Variants in KIZ observed in about 807,000 individuals in gnomAD.
The protein encoded by KIZ is kizuna centrosomal protein, also known as centrosomal protein kizuna.
Under a neutral mutation model 79.6 loss-of-function variants are expected in KIZ, and 68 were observed. The ratio of observed to expected loss-of-function variants is 0.85; its 90% CI spans 0.70 to 1.05. The LOEUF is 1.05. Ranked by LOEUF, KIZ falls within the 50% of genes least tolerant of loss-of-function variation. The pLI is 0.00. For synonymous variants in KIZ, 280 were observed against 281.8 expected (o/e 0.99, Z 0.06); for missense variants, 797 against 800.4 (o/e 1.00, Z 0.05).
chr20:21,238,092 A>G (rs2037083832), intron 11 of KIZ, among the ~76,000 whole-genome samples: 1 of 152,022 alleles, frequency 6.6e-6, no homozygotes. Context: ...CGGCCTCCCA[A>G]AGTGCTGGGA....
chr20:21,198,434 A>C (rs1031062020), intron 6 of KIZ: 1 of 152,360 alleles, frequency 6.6e-6, no homozygotes. Flanking sequence ...AGTGGTCAGT[A>C]GATGCATGTC....
intron 4 of KIZ, 51 bp from the exon 5 acceptor site, chr20:21,161,820 C>T: frequency 1.5e-6 from 2 of 1,340,864 alleles, no homozygotes; most frequent in East Asian, 2.3e-5. Context: ...AAAACCCCAC[C>T]TAATTGTTTA....
intron 6 of KIZ, among the ~76,000 whole-genome samples, chr20:21,204,962 A>T (rs2035755147): frequency 6.6e-6 from 1 of 152,122 alleles, no homozygotes; most frequent in Non-Finnish European, 1.5e-5. Context: ...GTGCTTTAGA[A>T]TCACTCTGTG....
At position 21,198,832 on chromosome 20, in the gene KIZ, A is replaced by G. The variant is rs750120762; in HGVS notation, c.1353-6659A>G. 3 of 152,626 alleles carry G rather than the reference A, an allele frequency of 2.0e-5. No individual in the cohort carries two copies. In the East Asian group the frequency reaches 5.8e-4, roughly 29 times the overall value. The allele number at this position is 152,626 out of a possible 1,614,324, so 9.5% of individuals were successfully genotyped here. On this transcript the variant is annotated intron_variant, in intron 6 of 12. Coordinates refer to ENST00000619189, the MANE Select transcript of KIZ (RefSeq NM_018474.6). ...AAGGCAGTAAAGGGCAATGCCAGAA[A>G]ACCCTCTTTCAGTTTTTATCCTGCA...
Position 21,126,091 on chromosome 20 carries a change from G to A in KIZ, c.-25G>A. On this transcript the variant is annotated 5_prime_UTR_variant, in exon 1 of 13. Transcript: ENST00000619189. ...GGCCGAACGGCCACCCAGAGGCTGT[G>A]CTGAGCTGGCGCAGCGGCAGCAGCA... 1.3e-6 allele frequency: 2 copies of A among 1,504,334 alleles called. No individual in the cohort carries two copies. 93.2% of individuals were successfully genotyped at this position (1,504,334 alleles called of 1,614,324 possible). A position where few individuals can be genotyped will look rare whatever the true frequency, so the allele number is the denominator to read the frequency against.
At chr20:21,205,734 A>G (rs2035799696) in intron 7 of KIZ, 150 bp downstream of exon 7, 2 of 508,892 alleles carry the variant, frequency 3.9e-6, no homozygotes, top group Middle Eastern at 4.6e-4. Flanking sequence ...ATGCTGAGGC[A>G]GGTGGATCAC....
chr20:21,164,772 T>C (rs546639453), intron 6 of KIZ, among the ~76,000 whole-genome samples: 3 of 152,210 alleles, frequency 2.0e-5, no homozygotes, highest in Admixed American at 1.3e-4. Flanking sequence ...TTTTGGCATA[T>C]AGTTTTCCAG....
At chr20:21,146,451 G>A (rs1316331231) in intron 4 of KIZ, among the ~76,000 whole-genome samples, 1 of 152,192 alleles carries the variant, frequency 6.6e-6, no homozygotes, top group Non-Finnish European at 1.5e-5. Flanking sequence ...AGATGATAAC[G>A]GGATATGATT....
At chr20:21,244,153 C>A in intron 11 of KIZ, 92 bp from the exon 12 acceptor site, 1 of 884,376 alleles carries the variant, frequency 1.1e-6, no homozygotes, top group Non-Finnish European at 1.9e-6. Context: ...TCCAGTGAAT[C>A]AAAGTGCTTC....
chr20:21,226,814 C>T (rs1032100791), intron 9 of KIZ, among the ~76,000 whole-genome samples: 1 of 152,200 alleles, frequency 6.6e-6, no homozygotes, highest in African/African-American at 2.4e-5. Context: ...GCAGCTGCAT[C>T]CCAAATAAAA....
chr20:21,170,799 A>G (rs1196560239), intron 6 of KIZ, among the ~76,000 whole-genome samples: 1 of 152,052 alleles, frequency 6.6e-6, no homozygotes, highest in Non-Finnish European at 1.5e-5. Context: ...TCTGGTAACT[A>G]TCTTTCTACT....
rs182806825 is a variant in KIZ at position 21,154,666 on chromosome 20, C to T, written c.406-7205C>T. Reference sequence around the variant, plus strand: ...TACATGCTGCTGCTTTTGGCAATAACATCTGTCTCTCAAAAACTTTTGAAT... The same window carrying T: ...TACATGCTGCTGCTTTTGGCAATAATATCTGTCTCTCAAAAACTTTTGAAT... On this transcript the variant is annotated intron_variant, in intron 4 of 12. Coordinates refer to ENST00000619189, the MANE Select transcript of KIZ (RefSeq NM_018474.6). Among the ~76,000 whole-genome samples, 3 of 152,324 alleles carry T rather than the reference C, an allele frequency of 2.0e-5. No homozygotes were observed. The East Asian group carries it at 5.8e-4, about 29-fold the overall frequency.
intron 6 of KIZ, among the ~76,000 whole-genome samples, chr20:21,191,038 A>G (rs1240418518): frequency 1.3e-5 from 2 of 152,202 alleles, no homozygotes; most frequent in African/African-American, 4.8e-5. Context: ...GTATTAAACT[A>G]CATTAAATGG....
chr20:21,241,302 C>T (rs999851564), intron 11 of KIZ, among the ~76,000 whole-genome samples: 2 of 152,162 alleles, frequency 1.3e-5, no homozygotes, highest in Admixed American at 1.3e-4. Flanking sequence ...CTATGAATTG[C>T]AGGGTCACAT....
At chr20:21,141,871 A>G (rs1371372171) in intron 3 of KIZ, among the ~76,000 whole-genome samples, 1 of 150,990 alleles carries the variant, frequency 6.6e-6, no homozygotes, top group Non-Finnish European at 1.5e-5. Context: ...TCTCACACAA[A>G]TACACAGACG....
In KIZ at chr20:21,162,188, T is replaced by G; in HGVS notation, c.723T>G (p.Ser241Arg). Residue 241 changes from serine (S) to arginine (R), a missense_variant, in exon 5 of 13, where the codon AGT (serine) becomes AGG (arginine). By Grantham distance (110) the Ser-to-Arg change is moderately radical (BLOSUM62 -1). Transcript: ENST00000619189. ...QIGEKMPVTA[S>R]VLSEEEQTHC... ...GTGAGAAAATGCCAGTCACAGCCAGTGTATTGTCTGAGGAGGAACAAACTC... is the reference window on the plus strand; with the variant it reads ...GTGAGAAAATGCCAGTCACAGCCAGGGTATTGTCTGAGGAGGAACAAACTC... 1 of 1,612,534 alleles carries G rather than the reference T, an allele frequency of 6.2e-7. No individual in the cohort carries two copies. The highest frequency in any genetic ancestry group is 8.5e-7 in the Non-Finnish European group (1 of 1,179,366).
In KIZ at chr20:21,215,648, G is replaced by T; in HGVS notation, c.1678G>T (p.Glu560Ter). ...ENVAADIPIT[E>*]TEAYQLLKKA... The stretch of plus-strand genomic sequence containing the variant: ...TGTGGCTGCAGATATCCCAATCACA[G>T]GTAAAGCTATGGTTGCCTAAGAGTT... The change falls in exon 9 of 13, where the codon GAA (glutamate) becomes TAA (stop). Residue 560 changes from glutamate to a stop codon, truncating the protein, a stop_gained and splice_region_variant. Transcript: ENST00000619189. LOFTEE classifies it high-confidence loss of function. 1 of 1,594,478 alleles carries T rather than the reference G, an allele frequency of 6.3e-7. No individual in the cohort carries two copies. The highest frequency in any genetic ancestry group is 1.1e-5 in the South Asian group (1 of 89,266).
chr20:21,229,224 G>A (rs776952521), intron 10 of KIZ, 109 bp downstream of exon 10: 57 of 657,360 alleles, frequency 8.7e-5, no homozygotes, highest in Admixed American at 4.1e-4. Context: ...GCTCTGTAAC[G>A]AGCTGTCACC....
In KIZ at chr20:21,161,854, C is replaced by A; in HGVS notation, c.406-17C>A. 6.3e-7 allele frequency: 1 copy of A among 1,584,200 alleles called. No homozygotes were observed. The highest frequency in any genetic ancestry group is 8.6e-7 in the Non-Finnish European group (1 of 1,159,200). ...TATACACAGTATGTTTAACTCACAT[C>A]TCTTTTGGTGTTGCAGGTTGCAGTG... On this transcript the variant is annotated splice_polypyrimidine_tract_variant and intron_variant, in intron 4 of 12. Transcript: ENST00000619189.
Sources: allele counts gnomAD v4.1 joint callset (sites outside exome capture counted in the v4.1 genomes callset), GRCh38; gene constraint gnomAD v4.1.1; transcripts MANE v1.5; gene names NCBI Gene and HGNC (gene_info 2026-07-23, HGNC 2026-07-21).